The following TRPS1 variants were observed in gnomAD, a reference collection of about 807,000 sequenced individuals.
TRPS1 encodes zinc finger transcription factor Trps1.
TRPS1 carries 6 observed loss-of-function variants against 101.2 expected under a neutral mutation model. The observed-to-expected ratio is 0.06, with a 90% CI of 0.03 to 0.12. The LOEUF is 0.12. Among genes scored for constraint, TRPS1 ranks in the 10% least tolerant of loss-of-function variants. TRPS1 has a pLI of 1.00. For missense variants in TRPS1, 1,363 were observed against 1,567.0 expected (o/e 0.87, Z 2.20); for synonymous variants, 578 against 589.8 (o/e 0.98, Z 0.29).
At chr8:115,450,284 A>T (rs934417059) in intron 5 of TRPS1, among the ~76,000 whole-genome samples, 1 of 152,120 alleles carries the variant, frequency 6.6e-6, no homozygotes, top group Non-Finnish European at 1.5e-5. Context: ...TGAATTCCAA[A>T]CCCAATGAGA....
At chr8:115,584,037 A>C (rs2130435367) in intron 5 of TRPS1, among the ~76,000 whole-genome samples, 1 of 152,194 alleles carries the variant, frequency 6.6e-6, no homozygotes, top group Non-Finnish European at 1.5e-5. Context: ...AGTTTAAAAA[A>C]AAAAGTTATC....
At chr8:115,493,509 C>T (rs1038372873) in intron 5 of TRPS1, among the ~76,000 whole-genome samples, 1 of 152,004 alleles carries the variant, frequency 6.6e-6, no homozygotes, top group Non-Finnish European at 1.5e-5. Context: ...GCCATGACGC[C>T]CAGCTAATTT....
intron 5 of TRPS1, among the ~76,000 whole-genome samples, chr8:115,433,999 T>C (rs867300527): frequency 1.3e-5 from 2 of 152,280 alleles, no homozygotes; most frequent in Middle Eastern, 3.4e-3. Context: ...TGAGTAGATT[T>C]AGGATTATTT....
chr8:115,464,280 C>G (rs1266368707), intron 5 of TRPS1, among the ~76,000 whole-genome samples: 1 of 152,104 alleles, frequency 6.6e-6, no homozygotes, highest in Non-Finnish European at 1.5e-5. Flanking sequence ...ATCAGTATAA[C>G]TAGAGTGATA....
In TRPS1 at chr8:115,412,083, T is replaced by G. The variant is rs903170133; in HGVS notation, c.*1940A>C. ...TCCAGCAACACTTATCAAAATAATT[T>G]CTGAAATGTTTCATATGAAACATAG... On this transcript the variant is annotated 3_prime_UTR_variant, in exon 7 of 7. Transcript: ENST00000395715. The G allele has an allele frequency of 6.6e-6, 1 of 152,272 alleles. No individual in the cohort carries two copies. The highest frequency in any genetic ancestry group is 2.4e-5 in the African/African-American group (1 of 41,376). The allele number at this position is 152,272 out of a possible 1,614,324, so 9.4% of individuals were successfully genotyped here. A position where few individuals can be genotyped will look rare whatever the true frequency, so the allele number is the denominator to read the frequency against.
chr8:115,639,069 T>C (rs556360087), intron 1 of TRPS1, among the ~76,000 whole-genome samples: 3 of 152,254 alleles, frequency 2.0e-5, no homozygotes, highest in Admixed American at 2.0e-4. Flanking sequence ...ATTTTATTTA[T>C]TTATTTATTT....
intron 1 of TRPS1, among the ~76,000 whole-genome samples, chr8:115,624,648 A>G (rs1032045916): frequency 1.3e-5 from 2 of 152,068 alleles, no homozygotes; most frequent in East Asian, 3.9e-4. Context: ...AAACAAATCT[A>G]AATGCTTTGC....
rs1817321039 is a variant in TRPS1 at position 115,576,392 on chromosome 8, T to C, written c.2700+10609A>G. On this transcript the variant is annotated intron_variant, in intron 5 of 6. Transcript: ENST00000395715. ...TCTTAAAGTTGCCTCGGGTATCAAT[T>C]CATAGATCTGAATGTTTAAGGTTTT... Among the ~76,000 whole-genome samples, 3 of 152,090 alleles carry C rather than the reference T, an allele frequency of 2.0e-5. No homozygotes were observed. The South Asian group carries it at 6.2e-4, about 31-fold the overall frequency.
At chr8:115,459,411 C>T (rs1443508112) in intron 5 of TRPS1, among the ~76,000 whole-genome samples, 1 of 152,112 alleles carries the variant, frequency 6.6e-6, no homozygotes, top group African/African-American at 2.4e-5. Context: ...CACTATCTTA[C>T]ATTTTCTGAA....
intron 5 of TRPS1, among the ~76,000 whole-genome samples, chr8:115,538,258 T>G (rs1431282872): frequency 2.0e-5 from 3 of 152,232 alleles, no homozygotes; most frequent in Non-Finnish European, 4.4e-5. Flanking sequence ...TATAATTAAC[T>G]GTGTAAATCA....
chr8:115,509,357 T>A (rs1000303968), intron 5 of TRPS1, among the ~76,000 whole-genome samples: 1 of 152,008 alleles, frequency 6.6e-6, no homozygotes, highest in Non-Finnish European at 1.5e-5. Context: ...GTTGAGGCTA[T>A]GGAGACAGAT....
At chr8:115,609,309 C>T (rs1818109966) in intron 3 of TRPS1, among the ~76,000 whole-genome samples, 1 of 152,160 alleles carries the variant, frequency 6.6e-6, no homozygotes, top group African/African-American at 2.4e-5. Flanking sequence ...GTGGTAAATT[C>T]ATTCAGTGAC....
intron 5 of TRPS1, among the ~76,000 whole-genome samples, chr8:115,538,637 T>C (rs1314367302): frequency 6.6e-6 from 1 of 151,868 alleles, no homozygotes; most frequent in African/African-American, 2.4e-5. Flanking sequence ...CTGAGATGCA[T>C]TCATTTTTCT....
At chr8:115,654,843 A>G (rs1306340470) in intron 1 of TRPS1, among the ~76,000 whole-genome samples, 1 of 152,214 alleles carries the variant, frequency 6.6e-6, no homozygotes, top group East Asian at 1.9e-4. Flanking sequence ...AAGTACTGAT[A>G]AAGAAATAAT....
intron 5 of TRPS1, among the ~76,000 whole-genome samples, chr8:115,496,041 G>T (rs1815141273): frequency 6.6e-6 from 1 of 152,028 alleles, no homozygotes; most frequent in Non-Finnish European, 1.5e-5. Flanking sequence ...TTCCCCCTCT[G>T]CTTCTCATGG....
intron 5 of TRPS1, among the ~76,000 whole-genome samples, chr8:115,505,803 C>T (rs1325737793): frequency 6.6e-6 from 1 of 152,048 alleles, no homozygotes; most frequent in East Asian, 1.9e-4. Flanking sequence ...ATTTGAAAGA[C>T]TGTGAAAACG....
At chr8:115,535,182 A>C (rs983095576) in intron 5 of TRPS1, among the ~76,000 whole-genome samples, 1 of 147,228 alleles carries the variant, frequency 6.8e-6, no homozygotes, top group Admixed American at 6.8e-5. Flanking sequence ...CATATATAGC[A>C]TATGTATAGC....
chr8:115,530,128 C>A (rs1816095281), intron 5 of TRPS1, among the ~76,000 whole-genome samples: 2 of 152,110 alleles, frequency 1.3e-5, no homozygotes, highest in Non-Finnish European at 2.9e-5. Flanking sequence ...ATCTCATAAA[C>A]TGACCGTGTT....
chr8:115,645,203 C>T (rs77073721), intron 1 of TRPS1, among the ~76,000 whole-genome samples: 14,755 of 152,000 alleles, frequency 0.097, 2,457 homozygotes, highest in African/African-American at 0.33. Flanking sequence ...TGCAATAAAA[C>T]GAGGTAATTA....
Sources: allele counts gnomAD v4.1 joint callset (sites outside exome capture counted in the v4.1 genomes callset), GRCh38; gene constraint gnomAD v4.1.1; transcripts MANE v1.5; gene names NCBI Gene and HGNC (gene_info 2026-07-23, HGNC 2026-07-21).